EIF3E: variants seen among roughly 807,000 people sequenced by gnomAD.
EIF3E encodes the protein eukaryotic translation initiation factor 3 subunit E, also known as eIF-3 p48.
Under a neutral mutation model 59.3 loss-of-function variants are expected in EIF3E, and 25 were observed. The observed-to-expected ratio is 0.42, with a 90% CI of 0.31 to 0.59. The LOEUF (loss-of-function observed/expected upper bound fraction) is 0.59, where lower values mean the gene tolerates loss of function less well. Ranked by LOEUF, EIF3E falls within the 20% of genes least tolerant of loss-of-function variation. EIF3E has a pLI of 0.15. For synonymous variants in EIF3E, 176 were observed against 170.2 expected (o/e 1.03, Z -0.26); for missense variants, 317 against 534.3 (o/e 0.59, Z 4.01).
intron 5 of EIF3E, among the ~76,000 whole-genome samples, chr8:108,233,894 G>C (rs1251232424): frequency 6.9e-6 from 1 of 145,302 alleles, no homozygotes; most frequent in Non-Finnish European, 1.5e-5. Flanking sequence ...CTACTTACTA[G>C]TCCAAGGTAA....
chr8:108,218,328 C>A (rs539927629), intron 7 of EIF3E, among the ~76,000 whole-genome samples: 1 of 152,174 alleles, frequency 6.6e-6, no homozygotes, highest in African/African-American at 2.4e-5. Flanking sequence ...CAAATACATA[C>A]CCCTGAAAGC....
chr8:108,240,507 C>T (rs1320722632), intron 2 of EIF3E, among the ~76,000 whole-genome samples: 1 of 152,178 alleles, frequency 6.6e-6, no homozygotes, highest in African/African-American at 2.4e-5. Context: ...TTACATATTA[C>T]TATTACAGGT....
chr8:108,248,030 G>A (rs1009757475), intron 1 of EIF3E, among the ~76,000 whole-genome samples: 74 of 141,122 alleles, frequency 5.2e-4, no homozygotes, highest in Non-Finnish European at 7.8e-5. Context: ...TTTTCTGGGG[G>A]GGGGGGCGGG....
At chr8:108,246,100 T>C (rs751527062) in intron 1 of EIF3E, among the ~76,000 whole-genome samples, 4 of 152,130 alleles carry the variant, frequency 2.6e-5, no homozygotes, top group Non-Finnish European at 5.9e-5. Context: ...ACAGTGTGGA[T>C]ACATTGGACA....
At chr8:108,229,006 T>C (rs1378225217) in intron 6 of EIF3E, 64 bp downstream of exon 6, 1 of 1,418,434 alleles carries the variant, frequency 7.1e-7, no homozygotes, top group Non-Finnish European at 9.3e-7. Flanking sequence ...GTGATTTTCC[T>C]CATCAGAAAG....
intron 5 of EIF3E, 200 bp downstream of exon 5, chr8:108,234,798 C>T: frequency 2.8e-6 from 1 of 361,148 alleles, no homozygotes; most frequent in South Asian, 1.0e-4. Context: ...AAATCACCCT[C>T]CAAATTTTGA....
intron 7 of EIF3E, among the ~76,000 whole-genome samples, chr8:108,223,627 T>C (rs1363934115): frequency 6.6e-6 from 1 of 152,184 alleles, no homozygotes; most frequent in Non-Finnish European, 1.5e-5. Flanking sequence ...TAATAGGGCA[T>C]TGTATTACAA....
At chr8:108,210,378 T>TA (rs1051608473) in intron 10 of EIF3E, among the ~76,000 whole-genome samples, 104 of 152,208 alleles carry the variant, frequency 6.8e-4, no homozygotes, top group Admixed American at 4.6e-4. Flanking sequence ...ATTTTTAAGC[T>TA]AAATTCTTGT....
chr8:108,225,969 T>G (rs553297815), intron 7 of EIF3E, among the ~76,000 whole-genome samples: 1 of 152,218 alleles, frequency 6.6e-6, no homozygotes, highest in Non-Finnish European at 1.5e-5. Flanking sequence ...GTTTTGATTT[T>G]TAATACAGTT....
intron 3 of EIF3E, 36 bp from the exon 4 acceptor site, chr8:108,236,239 AG>A (rs1815727265): frequency 6.4e-7 from 1 of 1,562,900 alleles, no homozygotes; most frequent in African/African-American, 1.4e-5. Context: ...ATTATTTTAA[AG>A]GCCACAGAAA....
chr8:108,236,065 T>C (rs913846385), intron 4 of EIF3E, 96 bp downstream of exon 4: 19 of 903,584 alleles, frequency 2.1e-5, no homozygotes, highest in African/African-American at 3.4e-5. Flanking sequence ...CTGGAAATTA[T>C]ATTCTTAGGC....
intron 7 of EIF3E, among the ~76,000 whole-genome samples, chr8:108,224,115 G>A (rs34996023): frequency 0.12 from 18,813 of 150,580 alleles, 3,486 homozygotes; most frequent in African/African-American, 0.38. Flanking sequence ...CCAGCTACTC[G>A]GGAGGCTGAG....
intron 1 of EIF3E, chr8:108,243,378 C>T (rs1430746255): frequency 6.6e-6 from 1 of 152,134 alleles, no homozygotes; most frequent in Admixed American, 6.5e-5. Flanking sequence ...GCCTGTAATC[C>T]CAGCACTTTG....
At chr8:108,210,400 T>A (rs1815184074) in intron 10 of EIF3E, among the ~76,000 whole-genome samples, 1 of 152,170 alleles carries the variant, frequency 6.6e-6, no homozygotes, top group African/African-American at 2.4e-5. Flanking sequence ...ATTTTACTTC[T>A]CCAGATGATT....
At chr8:108,224,281 T>C (rs1179021737) in intron 7 of EIF3E, among the ~76,000 whole-genome samples, 1 of 151,492 alleles carries the variant, frequency 6.6e-6, no homozygotes, top group Non-Finnish European at 1.5e-5. Context: ...ACATATAATA[T>C]CCATTGAACA....
chr8:108,217,317 A>G lies in EIF3E; in HGVS notation c.849+17T>C. 1 of 1,508,948 alleles carries G rather than the reference A, an allele frequency of 6.6e-7. No individual in the cohort carries two copies. The highest frequency in any genetic ancestry group is 8.9e-7 in the Non-Finnish European group (1 of 1,129,910). 93.5% of individuals were successfully genotyped at this position (1,508,948 alleles called of 1,614,324 possible). ...TAGGTATTTAAAAAAAAAAATCAAT[A>G]TATATTTTAGTTTTACCTGTTGAAT... is the stretch of plus-strand genomic sequence containing the variant. On this transcript the variant is annotated intron_variant, in intron 8 of 12. Coordinates refer to ENST00000220849, the MANE Select transcript of EIF3E (RefSeq NM_001568.3).
At chr8:108,246,734 C>T (rs1249635287) in intron 1 of EIF3E, among the ~76,000 whole-genome samples, 1 of 152,178 alleles carries the variant, frequency 6.6e-6, no homozygotes, top group Non-Finnish European at 1.5e-5. Context: ...TTTACTCCTC[C>T]TCCTCAGCCT....
chr8:108,223,087 CTCTG>C (rs1201558100), intron 7 of EIF3E, among the ~76,000 whole-genome samples: 3 of 152,126 alleles, frequency 2.0e-5, no homozygotes, highest in Non-Finnish European at 2.9e-5. Flanking sequence ...AAAATGACAA[CTCTG>C]TCTGTAACTA....
intron 10 of EIF3E, among the ~76,000 whole-genome samples, chr8:108,204,731 GTATA>G (rs148053969): frequency 9.2e-5 from 8 of 86,780 alleles, no homozygotes; most frequent in South Asian, 5.1e-4. Flanking sequence ...TAGTATGTAT[GTATA>G]TATATATATA....
Sources: gnomAD v4.1 joint callset for allele counts (sites outside exome capture counted in the v4.1 genomes callset) on GRCh38, gnomAD v4.1.1 for gene constraint, MANE v1.5 for transcripts, NCBI Gene and HGNC (gene_info 2026-07-23, HGNC 2026-07-21) for gene names.